The following TFEC variants were observed in gnomAD, a reference collection of about 807,000 sequenced individuals.
The protein encoded by TFEC is class E basic helix-loop-helix protein 34.
TFEC carries 31 observed loss-of-function variants against 41.6 expected under a neutral mutation model. The ratio of observed to expected loss-of-function variants is 0.74; its 90% CI spans 0.56 to 1.01. The LOEUF is 1.01. Ranked by LOEUF, TFEC falls within the 50% of genes least tolerant of loss-of-function variation. The pLI is 0.00. For synonymous variants in TFEC, 143 were observed against 140.6 expected (o/e 1.02, Z -0.12); for missense variants, 402 against 404.1 (o/e 0.99, Z 0.04).
intron 1 of TFEC, among the ~76,000 whole-genome samples, chr7:116,005,153 T>C (rs1023903635): frequency 1.3e-5 from 2 of 152,132 alleles, no homozygotes; most frequent in African/African-American, 2.4e-5. Context: ...ATCAGCAGCA[T>C]GAAAATGGAC....
At chr7:116,060,989 G>A (rs2091167) in intron 3 of TFEC, among the ~76,000 whole-genome samples, 15,122 of 152,026 alleles carry the variant, frequency 0.099, 826 homozygotes, top group African/African-American at 0.13. Context: ...TATTTGAAGA[G>A]GCATACTGTG....
At chr7:115,964,313 A>G (rs956123688) in intron 3 of TFEC, among the ~76,000 whole-genome samples, 1 of 151,624 alleles carries the variant, frequency 6.6e-6, no homozygotes, top group African/African-American at 2.4e-5. Context: ...GAAAAGTATC[A>G]TATTTTCAAG....
At chr7:115,985,973 T>C (rs967778944) in intron 1 of TFEC, among the ~76,000 whole-genome samples, 10 of 152,190 alleles carry the variant, frequency 6.6e-5, no homozygotes, top group African/African-American at 2.4e-4. Context: ...CAAAGAACAT[T>C]GTATACCTAC....
chr7:116,048,186 C>A (rs150293088), intron 3 of TFEC, among the ~76,000 whole-genome samples: 169 of 152,292 alleles, frequency 1.1e-3, no homozygotes, highest in African/African-American at 4.0e-3. Flanking sequence ...CTTCTCCGAG[C>A]TAAATGAGGA....
intron 1 of TFEC, among the ~76,000 whole-genome samples, chr7:115,985,125 C>A (rs1291852577): frequency 6.6e-6 from 1 of 151,642 alleles, no homozygotes; most frequent in Non-Finnish European, 1.5e-5. Flanking sequence ...ATATTTTCAC[C>A]TTATAAAAAT....
At chr7:116,038,501 A>T (rs1192371971) in intron 3 of TFEC, among the ~76,000 whole-genome samples, 1 of 152,090 alleles carries the variant, frequency 6.6e-6, no homozygotes, top group Admixed American at 6.6e-5. Flanking sequence ...CTGAAGGTAA[A>T]GAAGGAAAGA....
intron 3 of TFEC, among the ~76,000 whole-genome samples, chr7:116,091,575 A>G (rs1294127660): frequency 2.0e-5 from 3 of 152,154 alleles, no homozygotes; most frequent in Admixed American, 2.0e-4. Flanking sequence ...TCCGTAAGAG[A>G]ATAAAACTAG....
intron 1 of TFEC, among the ~76,000 whole-genome samples, chr7:116,150,052 A>C (rs1432413494): frequency 2.8e-5 from 4 of 140,774 alleles, no homozygotes; most frequent in Admixed American, 2.8e-4. Flanking sequence ...GTAAATTCTG[A>C]AATTGAGAAG....
intron 5 of TFEC, among the ~76,000 whole-genome samples, chr7:115,952,706 C>T (rs1792011614): frequency 6.6e-6 from 1 of 152,034 alleles, no homozygotes; most frequent in African/African-American, 2.4e-5. Context: ...ATAAAGGAGT[C>T]AAGTTTTAAG....
At chr7:115,983,202 G>T (rs1793705176) in intron 2 of TFEC, among the ~76,000 whole-genome samples, 2 of 152,060 alleles carry the variant, frequency 1.3e-5, no homozygotes, top group African/African-American at 4.8e-5. Flanking sequence ...CTACTGTAAA[G>T]TTTGAGTAAA....
intron 6 of TFEC, among the ~76,000 whole-genome samples, chr7:115,949,148 TG>T (rs764403017): frequency 1.3e-5 from 2 of 152,126 alleles, no homozygotes; most frequent in African/African-American, 2.4e-5. Context: ...AAAAGGGATG[TG>T]AAGGACCTCT....
chr7:115,975,519 A>C (rs1793340826), intron 2 of TFEC, among the ~76,000 whole-genome samples: 1 of 152,190 alleles, frequency 6.6e-6, no homozygotes, highest in Non-Finnish European at 1.5e-5. Flanking sequence ...ATGGAACACT[A>C]TTCATATCTT....
intron 1 of TFEC, among the ~76,000 whole-genome samples, chr7:116,011,722 A>G (rs1795008640): frequency 6.6e-6 from 1 of 152,108 alleles, no homozygotes; most frequent in African/African-American, 2.4e-5. Context: ...AGGAGGACCT[A>G]GTGGGAGGTG....
upstream of TFEC, among the ~76,000 whole-genome samples, chr7:116,031,168 T>C (rs1018405303): frequency 3.3e-5 from 5 of 152,126 alleles, no homozygotes; most frequent in African/African-American, 1.2e-4. Context: ...GAATTGCACA[T>C]TTCTTTAGAG....
At chr7:116,135,521 T>C (rs1169686276) in intron 1 of TFEC, among the ~76,000 whole-genome samples, 2 of 152,172 alleles carry the variant, frequency 1.3e-5, no homozygotes, top group African/African-American at 4.8e-5. Context: ...TGATGTTTTG[T>C]AGCTTCAGCA....
At chr7:116,102,404 T>C (rs371950785) in intron 3 of TFEC, among the ~76,000 whole-genome samples, 12 of 152,296 alleles carry the variant, frequency 7.9e-5, no homozygotes, top group African/African-American at 2.9e-4. Flanking sequence ...GACTGATCTC[T>C]GAGGATATGT....
At chr7:116,113,298 T>A (rs1158796070) in intron 1 of TFEC, among the ~76,000 whole-genome samples, 1 of 151,978 alleles carries the variant, frequency 6.6e-6, no homozygotes, top group Non-Finnish European at 1.5e-5. Flanking sequence ...TAATTCAATA[T>A]AACTGGTGTT....
At chr7:116,142,035 G>A (rs747458228) in intron 1 of TFEC, among the ~76,000 whole-genome samples, 27 of 152,126 alleles carry the variant, frequency 1.8e-4, no homozygotes, top group Non-Finnish European at 3.7e-4. Flanking sequence ...CGAGATACTG[G>A]TGCCATTTAG....
intron 3 of TFEC, among the ~76,000 whole-genome samples, chr7:115,969,230 C>A (rs1291743225): frequency 6.6e-6 from 1 of 151,774 alleles, no homozygotes; most frequent in Admixed American, 6.6e-5. Flanking sequence ...AGAGACACAG[C>A]AGTAAATGAG....
Sources: allele counts gnomAD v4.1 joint callset (sites outside exome capture counted in the v4.1 genomes callset), GRCh38; gene constraint gnomAD v4.1.1; transcripts MANE v1.5; gene names NCBI Gene and HGNC (gene_info 2026-07-23, HGNC 2026-07-21).